ZNF148: variants seen among roughly 807,000 people sequenced by gnomAD.
ZNF148 encodes zinc finger protein 148.
A neutral mutation model predicts 67.7 loss-of-function variants in ZNF148; 7 were observed. The ratio of observed to expected loss-of-function variants is 0.10; its 90% CI spans 0.06 to 0.19. The LOEUF (loss-of-function observed/expected upper bound fraction) is 0.19, where lower values mean the gene tolerates loss of function less well. Ranked by LOEUF, ZNF148 falls within the 10% of genes least tolerant of loss-of-function variation. ZNF148 has a pLI of 1.00. For synonymous variants in ZNF148, 333 were observed against 330.7 expected (o/e 1.01, Z -0.08); for missense variants, 583 against 947.1 (o/e 0.62, Z 5.05).
intron 3 of ZNF148, chr3:125,315,096 T>G (rs1384647750): frequency 1.3e-5 from 2 of 152,138 alleles, no homozygotes; most frequent in African/African-American, 4.8e-5. Context: ...TCAAAGATGT[T>G]ACATACATCA....
intron 7 of ZNF148, among the ~76,000 whole-genome samples, chr3:125,237,394 C>A (rs765022946): frequency 3.9e-5 from 6 of 152,052 alleles, no homozygotes; most frequent in Non-Finnish European, 8.8e-5. Context: ...CCAGCTTGGG[C>A]AACATGGGGA....
At chr3:125,341,131 CA>C (rs764679622) in intron 1 of ZNF148, among the ~76,000 whole-genome samples, 5 of 143,016 alleles carry the variant, frequency 3.5e-5, no homozygotes, top group Non-Finnish European at 6.1e-5. Flanking sequence ...AATTTTTAAG[CA>C]AAAGTTTCAA....
intron 1 of ZNF148, among the ~76,000 whole-genome samples, chr3:125,354,054 T>C (rs1255793093): frequency 2.0e-5 from 3 of 152,142 alleles, no homozygotes; most frequent in Non-Finnish European, 2.9e-5. Context: ...TTAATAAAAA[T>C]ATAAGAAAGC....
chr3:125,313,650 T>C lies in ZNF148; in HGVS notation c.-10A>G. The C allele has an allele frequency of 6.3e-7, 1 of 1,597,048 alleles. No individual in the cohort carries two copies. The highest frequency in any genetic ancestry group is 8.6e-7 in the Non-Finnish European group (1 of 1,166,950). ...TGTCGTCAATGTTCATGCTTAAGTA[T>C]AACTGCCTAGAAAACCAAGTTTGGC... On this transcript the variant is annotated 5_prime_UTR_variant, in exon 4 of 9. Transcript: ENST00000360647.
At chr3:125,259,690 G>A (rs965677060) in intron 7 of ZNF148, among the ~76,000 whole-genome samples, 2 of 152,144 alleles carry the variant, frequency 1.3e-5, no homozygotes, top group Admixed American at 6.5e-5. Flanking sequence ...CACTGGGTGC[G>A]GTGGCTCATA....
intron 3 of ZNF148, 121 bp downstream of exon 3, chr3:125,323,188 A>G (rs1940859391): frequency 2.5e-6 from 1 of 395,672 alleles, no homozygotes; most frequent in Non-Finnish European, 4.4e-6. Context: ...AAATATAAAT[A>G]CCAAAACTTT....
At position 125,226,107 on chromosome 3, in the gene ZNF148, T is replaced by C. The variant is rs1400434089; in HGVS notation, c.*6234A>G. 6.6e-6 allele frequency: 1 copy of C among 152,624 alleles called. No individual in the cohort carries two copies. Among genetic ancestry groups the C allele is most frequent in the Non-Finnish European group, 1.5e-5 (1 of 68,026 alleles). The allele number at this position is 152,624 out of a possible 1,614,324, so 9.5% of individuals were successfully genotyped here. A position where few individuals can be genotyped will look rare whatever the true frequency, so the allele number is the denominator to read the frequency against. On this transcript the variant is annotated 3_prime_UTR_variant, in exon 9 of 9. Coordinates refer to ENST00000360647, the MANE Select transcript of ZNF148 (RefSeq NM_021964.3). The stretch of plus-strand genomic sequence containing the variant: ...TATCTGTAAAGAAAAGAACACATAT[T>C]TTCTTCGCTCTATGATAAACACGTT...
At chr3:125,247,248 C>T (rs1035927399) in intron 7 of ZNF148, among the ~76,000 whole-genome samples, 2 of 152,148 alleles carry the variant, frequency 1.3e-5, no homozygotes, top group Non-Finnish European at 2.9e-5. Context: ...GAAAGATTGG[C>T]AATGTTTGCC....
chr3:125,372,253 T>A (rs750174268), intron 1 of ZNF148, among the ~76,000 whole-genome samples: 2 of 152,180 alleles, frequency 1.3e-5, no homozygotes, highest in Non-Finnish European at 2.9e-5. Flanking sequence ...TTTAGTCTAA[T>A]TGTCAATGTT....
At chr3:125,249,144 C>A (rs1055165138) in intron 7 of ZNF148, among the ~76,000 whole-genome samples, 1 of 151,966 alleles carries the variant, frequency 6.6e-6, no homozygotes, top group Admixed American at 6.6e-5. Context: ...GATATGACAA[C>A]AAAACCATAA....
intron 5 of ZNF148, among the ~76,000 whole-genome samples, chr3:125,283,875 T>C (rs534119658): frequency 1.2e-4 from 19 of 152,250 alleles, no homozygotes; most frequent in Admixed American, 2.6e-4. Flanking sequence ...ATATAATCTA[T>C]CTGATGTGTG....
chr3:125,313,763 T>C (rs1473634896), intron 3 of ZNF148, 107 bp from the exon 4 acceptor site: 2 of 907,538 alleles, frequency 2.2e-6, no homozygotes, highest in African/African-American at 1.7e-5. Flanking sequence ...AAAGATTTTA[T>C]TGATGTACTT....
In ZNF148 at chr3:125,313,658, T is replaced by C; in HGVS notation, c.-16-2A>G. 3 of 1,585,170 alleles carry C rather than the reference T, an allele frequency of 1.9e-6. No individual in the cohort carries two copies. Among genetic ancestry groups the C allele is most frequent in the Non-Finnish European group, 2.6e-6 (3 of 1,160,644 alleles). On this transcript the variant is annotated splice_acceptor_variant, in intron 3 of 8. Transcript: ENST00000360647. LOFTEE classifies it low-confidence loss of function (5UTR_SPLICE). ...ATGTTCATGCTTAAGTATAACTGCC[T>C]AGAAAACCAAGTTTGGCAACAAAAC...
intron 2 of ZNF148, among the ~76,000 whole-genome samples, chr3:125,326,839 TAC>T (rs997770989): frequency 9.0e-5 from 13 of 144,268 alleles, no homozygotes; most frequent in African/African-American, 3.0e-4. Context: ...TATATATGTA[TAC>T]AGATATATAT....
chr3:125,327,408 T>C (rs567178182), intron 2 of ZNF148, among the ~76,000 whole-genome samples: 9 of 152,310 alleles, frequency 5.9e-5, no homozygotes, highest in African/African-American at 1.4e-4. Flanking sequence ...GTGGCATATA[T>C]AGAAAACACT....
chr3:125,374,236 T>C (rs566033840), intron 1 of ZNF148, among the ~76,000 whole-genome samples: 42 of 152,228 alleles, frequency 2.8e-4, no homozygotes, highest in African/African-American at 9.6e-4. Flanking sequence ...CCAGATGTCA[T>C]CTACTGAACA....
intron 4 of ZNF148, among the ~76,000 whole-genome samples, chr3:125,304,260 T>C (rs555971300): frequency 6.6e-6 from 1 of 152,164 alleles, no homozygotes; most frequent in Admixed American, 6.5e-5. Context: ...CAGCTCAGCA[T>C]GAGGTGCTGG....
At chr3:125,367,403 C>T (rs1036236639) in intron 1 of ZNF148, among the ~76,000 whole-genome samples, 2 of 152,154 alleles carry the variant, frequency 1.3e-5, no homozygotes, top group Non-Finnish European at 2.9e-5. Flanking sequence ...CTACCTTATT[C>T]CTAGTTCTCT....
At chr3:125,316,640 C>T (rs1336826717) in intron 3 of ZNF148, among the ~76,000 whole-genome samples, 1 of 152,118 alleles carries the variant, frequency 6.6e-6, no homozygotes, top group Admixed American at 6.5e-5. Flanking sequence ...CCATTTATAT[C>T]TCTTCTTTTG....
Sources: allele counts gnomAD v4.1 joint callset (sites outside exome capture counted in the v4.1 genomes callset), GRCh38; gene constraint gnomAD v4.1.1; transcripts MANE v1.5; gene names NCBI Gene and HGNC (gene_info 2026-07-23, HGNC 2026-07-21).